Variants in TNNT3 observed in about 807,000 individuals in gnomAD.
TNNT3 encodes the protein troponin T3, fast skeletal type, also known as troponin T, fast skeletal muscle.
Under a neutral mutation model 54.2 loss-of-function variants are expected in TNNT3, and 36 were observed. The observed-to-expected ratio is 0.66, with a 90% confidence interval of 0.51 to 0.88. The LOEUF is 0.88. Ranked by LOEUF, TNNT3 falls within the 40% of genes least tolerant of loss-of-function variation. The pLI, the probability that TNNT3 is intolerant of heterozygous loss-of-function variation, is 0.00. For synonymous variants in TNNT3, 120 were observed against 109.7 expected (o/e 1.09, Z -0.59); for missense variants, 291 against 331.6 (o/e 0.88, Z 0.95).
chr11:1,936,008 G>A (rs1396931773), intron 14 of TNNT3, among the ~76,000 whole-genome samples: 6 of 152,150 alleles, frequency 3.9e-5, no homozygotes, highest in African/African-American at 1.4e-4. Context: ...GCCCTGAGAC[G>A]GGCTTCACGG....
intron 6 of TNNT3, among the ~76,000 whole-genome samples, chr11:1,927,264 G>A (rs917661223): frequency 6.6e-6 from 1 of 152,236 alleles, no homozygotes; most frequent in Non-Finnish European, 1.5e-5. Context: ...GCCCAGTCAG[G>A]TCCCAGCATC....
intron 1 of TNNT3, 68 bp from the exon 2 acceptor site, chr11:1,922,789 A>C: frequency 6.6e-7 from 1 of 1,516,276 alleles, no homozygotes; most frequent in Non-Finnish European, 9.1e-7. Flanking sequence ...CCCCCATCCT[A>C]CACCCAGGCA....
intron 13 of TNNT3, 21 bp downstream of exon 13, chr11:1,934,676 G>C: frequency 6.2e-7 from 1 of 1,608,714 alleles, no homozygotes; most frequent in Non-Finnish European, 8.5e-7. Context: ...GGTGTTGTGG[G>C]GCTCAGCCCC....
chr11:1,931,744 A>C, intron 8 of TNNT3, among the ~76,000 whole-genome samples: 1 of 130,432 alleles, frequency 7.7e-6, no homozygotes, highest in South Asian at 2.3e-4. Context: ...TTTCACATAC[A>C]TACGTTTTTC....
At chr11:1,934,288 C>A in intron 11 of TNNT3, 44 bp from the exon 12 acceptor site, 11 of 1,563,756 alleles carry the variant, frequency 7.0e-6, no homozygotes, top group Non-Finnish European at 9.7e-6. Flanking sequence ...GAAAGCATAG[C>A]CCTCTCTCCA....
At chr11:1,938,411 G>C (rs1338592123) in intron 15 of TNNT3, 27 bp from the exon 16 acceptor site, 2 of 1,612,648 alleles carry the variant, frequency 1.2e-6, no homozygotes, top group Non-Finnish European at 1.7e-6. Context: ...CCCTGACCCT[G>C]AAGGATCACT....
At chr11:1,924,079 T>C (rs955078467) in intron 4 of TNNT3, among the ~76,000 whole-genome samples, 8 of 152,150 alleles carry the variant, frequency 5.3e-5, no homozygotes, top group Admixed American at 5.2e-4. Flanking sequence ...AGCTTCTCTC[T>C]GTCTCTGTAT....
intron 7 of TNNT3, among the ~76,000 whole-genome samples, chr11:1,929,421 C>T (rs529570266): frequency 2.6e-5 from 4 of 152,316 alleles, no homozygotes; most frequent in African/African-American, 4.8e-5. Context: ...GAGCCCGGGC[C>T]GGGCACGCCC....
At chr11:1,927,604 T>A (rs1851983034) in intron 6 of TNNT3, among the ~76,000 whole-genome samples, 1 of 152,130 alleles carries the variant, frequency 6.6e-6, no homozygotes, top group Admixed American at 6.5e-5. Context: ...ACAGGGTTGC[T>A]GGGCCGCTCT....
intron 8 of TNNT3, 109 bp downstream of exon 8, chr11:1,929,937 C>T (rs765067938): frequency 2.7e-5 from 39 of 1,436,040 alleles, no homozygotes; most frequent in Admixed American, 5.9e-5. Flanking sequence ...TCTGGGGTGG[C>T]GGTGGCCAAG....
chr11:1,925,055 C>A (rs745605717), intron 4 of TNNT3, 44 bp from the exon 5 acceptor site: 1 of 1,610,670 alleles, frequency 6.2e-7, no homozygotes, highest in Non-Finnish European at 8.5e-7. Context: ...TCCCTGTCTC[C>A]CTCAACCCCG....
chr11:1,920,456 C>T (rs1464774092), intron 1 of TNNT3, among the ~76,000 whole-genome samples: 1 of 152,088 alleles, frequency 6.6e-6, no homozygotes, highest in Non-Finnish European at 1.5e-5. Context: ...GAGAAGCTGG[C>T]GCTCGTAAGA....
chr11:1,932,601 C>A, intron 9 of TNNT3, 87 bp downstream of exon 9: 1 of 1,392,224 alleles, frequency 7.2e-7, no homozygotes, highest in Non-Finnish European at 1.0e-6. Flanking sequence ...TCACTTCCTC[C>A]CAAGTAGCCA....
intron 5 of TNNT3, 195 bp downstream of exon 5, chr11:1,925,311 G>A: frequency 6.3e-7 from 1 of 1,574,938 alleles, no homozygotes. Context: ...CCCCATGTGG[G>A]GCCCGGGGCC....
At chr11:1,923,142 A>G in intron 3 of TNNT3, 81 bp downstream of exon 3, 1 of 1,580,866 alleles carries the variant, frequency 6.3e-7, no homozygotes, top group African/African-American at 1.3e-5. Context: ...GACTGTGCAT[A>G]CCCTGTGTCC....
chr11:1,925,901 C>T (rs1056353238), intron 5 of TNNT3, among the ~76,000 whole-genome samples: 1 of 152,170 alleles, frequency 6.6e-6, no homozygotes, highest in African/African-American at 2.4e-5. Flanking sequence ...GGGCTGCCAG[C>T]ACCCTTGGAG....
chr11:1,926,789 C>T (rs1293391641), intron 6 of TNNT3, 80 bp downstream of exon 6: 2 of 1,579,380 alleles, frequency 1.3e-6, no homozygotes, highest in Non-Finnish European at 1.7e-6. Context: ...CTCTTGCCCA[C>T]CCCTTGTGAC....
chr11:1,933,245 T>C (rs1351597942), intron 9 of TNNT3, among the ~76,000 whole-genome samples: 2 of 148,974 alleles, frequency 1.3e-5, no homozygotes, highest in African/African-American at 4.9e-5. Flanking sequence ...ATCCATCCAT[T>C]CATCCATCCA....
chr11:1,933,633 A>G, intron 9 of TNNT3, 88 bp from the exon 10 acceptor site: 1 of 1,019,460 alleles, frequency 9.8e-7, no homozygotes, highest in Non-Finnish European at 1.5e-6. Context: ...GCTGGGGCAA[A>G]GGAAGGGACC....
Sources: allele counts gnomAD v4.1 joint callset (sites outside exome capture counted in the v4.1 genomes callset), GRCh38; gene constraint gnomAD v4.1.1; transcripts MANE v1.5; gene names NCBI Gene and HGNC (gene_info 2026-07-23, HGNC 2026-07-21).